The following LRRC4C variants were observed in gnomAD, a reference collection of about 807,000 sequenced individuals.
LRRC4C encodes leucine-rich repeat-containing protein 4C.
LRRC4C carries 5 observed loss-of-function variants against 33.6 expected under a neutral mutation model. The ratio of observed to expected loss-of-function variants is 0.15; its 90% CI spans 0.08 to 0.31. The LOEUF (loss-of-function observed/expected upper bound fraction) is 0.31, where lower values mean the gene tolerates loss of function less well. Among genes scored for constraint, LRRC4C ranks in the 10% least tolerant of loss-of-function variants. The pLI, the probability that LRRC4C is intolerant of heterozygous loss-of-function variation, is 1.00. For missense variants in LRRC4C, 560 were observed against 796.7 expected (o/e 0.70, Z 3.58); for synonymous variants, 329 against 302.0 (o/e 1.09, Z -0.93).
At chr11:41,036,164 T>C (rs1857053075) in intron 1 of LRRC4C, among the ~76,000 whole-genome samples, 1 of 152,148 alleles carries the variant, frequency 6.6e-6, no homozygotes. Flanking sequence ...ATAATTATGG[T>C]CAGAAATAAA....
In LRRC4C at chr11:40,497,232, C is replaced by T. The variant is rs181441361; in HGVS notation, c.-270+150910G>A. Reference sequence around the variant, plus strand: ...CATCCTGGCTAACATGGTGAAACCCCGTCTCTACTAAAAATACAAAAATTA... The same window carrying T: ...CATCCTGGCTAACATGGTGAAACCCTGTCTCTACTAAAAATACAAAAATTA... On this transcript the variant is annotated intron_variant, in intron 3 of 6. Transcript: ENST00000528697. Among the ~76,000 whole-genome samples the T allele has an allele frequency of 5.2e-3, 786 of 151,964 alleles. 20 individuals carry two copies. The highest frequency in any genetic ancestry group is 0.031 in the Admixed American group (476 of 15,254).
At chr11:40,271,041 G>C (rs867567169) in intron 4 of LRRC4C, among the ~76,000 whole-genome samples, 1 of 152,144 alleles carries the variant, frequency 6.6e-6, no homozygotes, top group Non-Finnish European at 1.5e-5. Context: ...CCTTCAATTT[G>C]AGCAGCCTTT....
intron 1 of LRRC4C, among the ~76,000 whole-genome samples, chr11:41,199,943 C>T (rs747117375): frequency 6.6e-6 from 1 of 152,084 alleles, no homozygotes; most frequent in Non-Finnish European, 1.5e-5. Context: ...AATAAGCCAA[C>T]CTCTGTGACC....
At chr11:41,027,513 A>G (rs957058039) in intron 1 of LRRC4C, among the ~76,000 whole-genome samples, 1 of 151,768 alleles carries the variant, frequency 6.6e-6, no homozygotes, top group Non-Finnish European at 1.5e-5. Flanking sequence ...ACCAAACAAC[A>G]GTTAATAAGA....
intron 4 of LRRC4C, among the ~76,000 whole-genome samples, chr11:40,294,305 C>A (rs1049222644): frequency 3.3e-5 from 5 of 152,050 alleles, no homozygotes; most frequent in African/African-American, 1.2e-4. Flanking sequence ...CTAAAAGCAA[C>A]CCCCACGCTG....
At chr11:41,405,090 T>C (rs1010049657) in intron 1 of LRRC4C, among the ~76,000 whole-genome samples, 19 of 152,040 alleles carry the variant, frequency 1.2e-4, no homozygotes, top group African/African-American at 4.6e-4. Flanking sequence ...ATGAAAAAAA[T>C]CATATGATTA....
At chr11:40,743,300 A>G (rs192245418) in intron 2 of LRRC4C, among the ~76,000 whole-genome samples, 12 of 152,134 alleles carry the variant, frequency 7.9e-5, no homozygotes, top group African/African-American at 2.9e-4. Flanking sequence ...AATTTCTCTT[A>G]TGCTCCCCTC....
intron 1 of LRRC4C, among the ~76,000 whole-genome samples, chr11:41,167,642 T>G (rs1196235032): frequency 1.3e-5 from 2 of 152,104 alleles, no homozygotes; most frequent in East Asian, 3.9e-4. Flanking sequence ...CTAATAAAAC[T>G]AATGTGATTA....
At chr11:40,225,619 C>T (rs1452981428) in intron 5 of LRRC4C, among the ~76,000 whole-genome samples, 12 of 140,828 alleles carry the variant, frequency 8.5e-5, no homozygotes, top group Non-Finnish European at 1.1e-4. Context: ...CTCTCTCTCT[C>T]TTTTTTTTTT....
At chr11:40,962,257 T>C (rs948717826) in intron 1 of LRRC4C, among the ~76,000 whole-genome samples, 1 of 151,526 alleles carries the variant, frequency 6.6e-6, no homozygotes, top group Non-Finnish European at 1.5e-5. Context: ...AATCAAGCAA[T>C]GGAGGGAGGT....
chr11:40,919,019 T>A (rs1381584816), intron 2 of LRRC4C, among the ~76,000 whole-genome samples: 2 of 152,090 alleles, frequency 1.3e-5, no homozygotes, highest in Non-Finnish European at 2.9e-5. Context: ...TAAAAAAAAA[T>A]AATTTGCTGC....
At chr11:40,978,832 A>T (rs1479173950) in intron 1 of LRRC4C, among the ~76,000 whole-genome samples, 1 of 151,570 alleles carries the variant, frequency 6.6e-6, no homozygotes. Context: ...GGATTTCACC[A>T]TGTTGCCCAA....
chr11:40,993,758 T>C (rs1193696983), intron 1 of LRRC4C, among the ~76,000 whole-genome samples: 2 of 152,158 alleles, frequency 1.3e-5, no homozygotes, highest in Non-Finnish European at 2.9e-5. Context: ...AGTAATGACT[T>C]TACATTTTGG....
At chr11:40,504,197 A>G (rs975023862) in intron 3 of LRRC4C, among the ~76,000 whole-genome samples, 1 of 152,134 alleles carries the variant, frequency 6.6e-6, no homozygotes, top group African/African-American at 2.4e-5. Context: ...GCATTTTGTA[A>G]AATATAAATT....
Position 40,745,865 on chromosome 11 carries a change from T to A in LRRC4C, c.-406-97587A>T, listed in dbSNP as rs373804720. ...ATCTGGCGTTATGAATCAAAAAGAA[T>A]AATGCTTTTAAAATATATTTTAGTT... On this transcript the variant is annotated intron_variant, in intron 2 of 6. Coordinates refer to ENST00000528697, the MANE Select transcript of LRRC4C (RefSeq NM_001258419.2). Among the ~76,000 whole-genome samples the A allele has an allele frequency of 1.1e-3, 161 of 152,264 alleles. 6 individuals are homozygous for A. In the South Asian group the frequency reaches 0.031, roughly 29 times the overall value.
chr11:40,160,729 T>A (rs1859083093), intron 5 of LRRC4C, among the ~76,000 whole-genome samples: 2 of 152,162 alleles, frequency 1.3e-5, no homozygotes, highest in African/African-American at 4.8e-5. Context: ...GTTTCAAATG[T>A]CTGCCAGATC....
chr11:40,853,781 G>C (rs1419333002), intron 2 of LRRC4C, among the ~76,000 whole-genome samples: 5 of 152,168 alleles, frequency 3.3e-5, no homozygotes, highest in Admixed American at 2.0e-4. Context: ...TGTTACTTTA[G>C]TGCACAGAAC....
intron 2 of LRRC4C, among the ~76,000 whole-genome samples, chr11:40,749,655 A>G (rs1323567522): frequency 6.6e-6 from 1 of 151,874 alleles, no homozygotes; most frequent in Non-Finnish European, 1.5e-5. Context: ...GACTAAAAAA[A>G]AAAAGGAAAA....
chr11:41,371,513 T>C lies in LRRC4C; in HGVS notation c.-496+87918A>G, dbSNP rs116488520. 4.2e-3 allele frequency among the ~76,000 whole-genome samples: 641 copies of C among 152,234 alleles called. 2 individuals carry two copies. The highest frequency in any genetic ancestry group is 0.013 in the African/African-American group (554 of 41,552). On this transcript the variant is annotated intron_variant, in intron 1 of 6. Transcript: ENST00000528697. Reference sequence around the variant, plus strand: ...AATCCTTCATCTCAGTTGTGGGACATTTATCTTCAGGTAAACTGGAAGAAG... The same window carrying C: ...AATCCTTCATCTCAGTTGTGGGACACTTATCTTCAGGTAAACTGGAAGAAG...
Sources: gnomAD v4.1 joint callset for allele counts (sites outside exome capture counted in the v4.1 genomes callset) on GRCh38, gnomAD v4.1.1 for gene constraint, MANE v1.5 for transcripts, NCBI Gene and HGNC (gene_info 2026-07-23, HGNC 2026-07-21) for gene names.